Variants in RGS7 observed in about 807,000 individuals in gnomAD.
RGS7 encodes the protein regulator of G-protein signaling 7.
In RGS7, 27 loss-of-function variants were observed where a neutral mutation model predicts 81.1. The observed-to-expected ratio is 0.33, with a 90% CI of 0.25 to 0.46. The LOEUF is 0.46. RGS7 is among the 20% of genes least tolerant of loss of function. The probability of loss-of-function intolerance (pLI) is 1.00; values close to 1 mark genes in which losing one functional copy is unlikely to be tolerated. For synonymous variants in RGS7, 208 were observed against 207.7 expected, an observed-to-expected ratio of 1.00 and a Z score of -0.01; for missense variants, 396 against 607.4, an observed-to-expected ratio of 0.65 and a Z score of 3.66.
intron 3 of RGS7, among the ~76,000 whole-genome samples, chr1:241,023,959 G>A (rs1157510257): frequency 6.6e-6 from 1 of 152,066 alleles, no homozygotes; most frequent in Admixed American, 6.6e-5. Context: ...GGTCAGGTTG[G>A]TCTCGAACTC....
intron 17 of RGS7, among the ~76,000 whole-genome samples, chr1:240,801,048 T>C (rs1004755360): frequency 1.3e-5 from 2 of 152,108 alleles, no homozygotes; most frequent in Non-Finnish European, 2.9e-5. Flanking sequence ...TCTGCAGAAG[T>C]AAAACGCATA....
intron 18 of RGS7, among the ~76,000 whole-genome samples, chr1:240,792,952 T>C (rs925797652): frequency 5.3e-5 from 8 of 152,154 alleles, no homozygotes; most frequent in African/African-American, 1.7e-4. Context: ...TGGGTGCTCT[T>C]GGTTTGTAAA....
At chr1:241,188,957 C>T (rs948556808) in intron 2 of RGS7, among the ~76,000 whole-genome samples, 3 of 152,136 alleles carry the variant, frequency 2.0e-5, no homozygotes, top group Non-Finnish European at 4.4e-5. Flanking sequence ...TACATTCTCA[C>T]CAACATTTGG....
At chr1:240,913,543 G>T (rs1300954931) in intron 6 of RGS7, among the ~76,000 whole-genome samples, 1 of 152,146 alleles carries the variant, frequency 6.6e-6, no homozygotes, top group Admixed American at 6.5e-5. Flanking sequence ...CAATGAGTTG[G>T]TTCTCACTGT....
chr1:241,115,861 T>C (rs896009812), intron 2 of RGS7, among the ~76,000 whole-genome samples: 22 of 152,190 alleles, frequency 1.4e-4, no homozygotes, highest in African/African-American at 4.8e-4. Flanking sequence ...TCAAATCTCA[T>C]GTCGAACTGG....
At chr1:241,205,232 C>A (rs56784593) in intron 2 of RGS7, among the ~76,000 whole-genome samples, 1 of 150,196 alleles carries the variant, frequency 6.7e-6, no homozygotes, top group South Asian at 2.1e-4. Context: ...CTATGCACAC[C>A]ACGCCCAGCT....
chr1:241,167,973 A>G (rs557516251), intron 2 of RGS7, among the ~76,000 whole-genome samples: 8 of 152,192 alleles, frequency 5.3e-5, no homozygotes, highest in Non-Finnish European at 1.0e-4. Flanking sequence ...TTCAGACTGC[A>G]TGTCTTCAAG....
intron 2 of RGS7, among the ~76,000 whole-genome samples, chr1:241,347,990 G>A (rs2083010270): frequency 6.6e-6 from 1 of 151,938 alleles, no homozygotes; most frequent in Non-Finnish European, 1.5e-5. Context: ...TCTTGTCTTG[G>A]ACTTGATGCT....
intron 2 of RGS7, among the ~76,000 whole-genome samples, chr1:241,241,741 C>A (rs10926436): frequency 6.6e-6 from 1 of 152,042 alleles, no homozygotes; most frequent in South Asian, 2.1e-4. Context: ...CACATGTATA[C>A]ATGTGTCTGT....
intron 2 of RGS7, among the ~76,000 whole-genome samples, chr1:241,198,096 A>G (rs1347209344): frequency 6.6e-6 from 1 of 152,008 alleles, no homozygotes; most frequent in Non-Finnish European, 1.5e-5. Context: ...AACATAGACT[A>G]TTTTTCAATA....
chr1:240,884,172 C>T (rs879541990), intron 6 of RGS7, among the ~76,000 whole-genome samples: 16 of 150,010 alleles, frequency 1.1e-4, no homozygotes, highest in Non-Finnish European at 1.8e-4. Context: ...GCGTGCCTTA[C>T]GGAAAAATTA....
chr1:241,001,844 G>A (rs2502449), intron 3 of RGS7, among the ~76,000 whole-genome samples: 146,969 of 152,254 alleles, frequency 0.97, 71,164 homozygotes, highest in Middle Eastern at 1. Flanking sequence ...TGATATTCCA[G>A]TAGTGGATTC....
intron 3 of RGS7, among the ~76,000 whole-genome samples, chr1:241,013,619 G>A (rs928866812): frequency 6.6e-6 from 1 of 152,154 alleles, no homozygotes; most frequent in African/African-American, 2.4e-5. Context: ...ATCTGAAAGG[G>A]CCCCTCCTCC....
At chr1:241,169,153 T>C (rs2070512105) in intron 2 of RGS7, among the ~76,000 whole-genome samples, 1 of 152,138 alleles carries the variant, frequency 6.6e-6, no homozygotes, top group Admixed American at 6.5e-5. Flanking sequence ...ATACTATACA[T>C]ACATACATTT....
chr1:241,252,257 T>C (rs1229696279), intron 2 of RGS7, among the ~76,000 whole-genome samples: 1 of 152,154 alleles, frequency 6.6e-6, no homozygotes, highest in Non-Finnish European at 1.5e-5. Context: ...TTGACCAGGC[T>C]GGTCTTGAAC....
chr1:241,274,296 G>A (rs1216778076), intron 2 of RGS7, among the ~76,000 whole-genome samples: 2 of 152,280 alleles, frequency 1.3e-5, no homozygotes, highest in South Asian at 2.1e-4. Flanking sequence ...TGTTGGATAT[G>A]TAAAAAGAGA....
intron 2 of RGS7, among the ~76,000 whole-genome samples, chr1:241,111,234 G>A (rs532130446): frequency 6.6e-6 from 1 of 152,228 alleles, no homozygotes; most frequent in South Asian, 2.1e-4. Context: ...TTATCTGCTA[G>A]TTGAATTCAT....
intron 6 of RGS7, among the ~76,000 whole-genome samples, chr1:240,884,258 C>T (rs138766123): frequency 2.6e-4 from 39 of 152,148 alleles, no homozygotes; most frequent in African/African-American, 8.9e-4. Flanking sequence ...TAAAAATATA[C>T]ATTAAATAAG....
chr1:241,031,728 G>T (rs767622973), intron 3 of RGS7, among the ~76,000 whole-genome samples: 1 of 152,072 alleles, frequency 6.6e-6, no homozygotes, highest in African/African-American at 2.4e-5. Context: ...GATAATTGGT[G>T]ATGTCTAGCA....
Sources: allele counts gnomAD v4.1 joint callset (sites outside exome capture counted in the v4.1 genomes callset), GRCh38; gene constraint gnomAD v4.1.1; transcripts MANE v1.5; gene names NCBI Gene and HGNC (gene_info 2026-07-23, HGNC 2026-07-21).